Variants in GRM7 observed in about 807,000 individuals in gnomAD.
GRM7 encodes metabotropic glutamate receptor 7.
A neutral mutation model predicts 84.5 loss-of-function variants in GRM7; 35 were observed. That is an observed-to-expected ratio of 0.41 (90% CI 0.32 to 0.55). The LOEUF (loss-of-function observed/expected upper bound fraction) is 0.55, where lower values mean the gene tolerates loss of function less well. Among genes scored for constraint, GRM7 ranks in the 20% least tolerant of loss-of-function variants. GRM7 has a pLI of 0.19. For synonymous variants in GRM7, 487 were observed against 455.1 expected, an observed-to-expected ratio of 1.07 and a Z score of -0.89; for missense variants, 1,003 against 1,194.6, an observed-to-expected ratio of 0.84 and a Z score of 2.36.
chr3:7,271,562 TAAAAAAAAAA>T (rs71063298), intron 2 of GRM7, among the ~76,000 whole-genome samples: 3 of 88,810 alleles, frequency 3.4e-5, no homozygotes, highest in Admixed American at 2.8e-4. Context: ...CCGCCTCAAA[TAAAAAAAAAA>T]AAAAAAAAAA....
At chr3:7,243,949 T>C (rs1393798144) in intron 2 of GRM7, among the ~76,000 whole-genome samples, 6 of 152,024 alleles carry the variant, frequency 3.9e-5, no homozygotes, top group Non-Finnish European at 5.9e-5. Context: ...AAATATAATA[T>C]AAAAAATAAA....
At chr3:7,011,799 G>T (rs1695378367) in intron 1 of GRM7, among the ~76,000 whole-genome samples, 1 of 152,146 alleles carries the variant, frequency 6.6e-6, no homozygotes, top group Admixed American at 6.5e-5. Context: ...GGATTAAAAA[G>T]AGATTTTAAA....
chr3:7,140,554 T>C (rs1368321335), intron 1 of GRM7, among the ~76,000 whole-genome samples: 3 of 152,026 alleles, frequency 2.0e-5, no homozygotes, highest in African/African-American at 7.2e-5. Context: ...TCTTTATTTG[T>C]AAAAACAGAA....
rs1165234212 is a variant in GRM7 at position 7,713,114 on chromosome 3, A to ATTT, written c.2699-27241_2699-27239dup. 4.2e-4 allele frequency among the ~76,000 whole-genome samples: 54 copies of ATTT among 129,900 alleles called. 1 individual carries two copies. The highest frequency in any genetic ancestry group is 8.7e-4 in the African/African-American group (28 of 32,120). 85.2% of individuals were successfully genotyped at this position (129,900 alleles called of 152,430 possible). ...ATATTCACAGATAGAGAGGATTCGA[A>ATTT]TTTTGTTTTGTTTTTTTTTTTTTTT... is the stretch of plus-strand genomic sequence containing the variant. On this transcript the variant is annotated intron_variant, in intron 9 of 9. Coordinates refer to ENST00000357716, the MANE Select transcript of GRM7 (RefSeq NM_000844.4).
intron 1 of GRM7, among the ~76,000 whole-genome samples, chr3:7,081,689 A>G (rs548680927): frequency 6.6e-6 from 1 of 152,230 alleles, no homozygotes; most frequent in East Asian, 1.9e-4. Context: ...CTTGTACTAA[A>G]CAGTCTAGTT....
intron 4 of GRM7, among the ~76,000 whole-genome samples, chr3:7,395,819 C>T (rs566693822): frequency 6.6e-5 from 10 of 152,150 alleles, no homozygotes; most frequent in East Asian, 5.8e-4. Flanking sequence ...TTATCAGCAG[C>T]GTGAGAATGA....
At chr3:7,321,170 A>G (rs1700766780) in intron 4 of GRM7, among the ~76,000 whole-genome samples, 1 of 152,058 alleles carries the variant, frequency 6.6e-6, no homozygotes, top group African/African-American at 2.4e-5. Context: ...GCAGAAAGAT[A>G]TAGCTATATA....
At chr3:7,128,972 C>G (rs73122311) in intron 1 of GRM7, among the ~76,000 whole-genome samples, 4 of 152,154 alleles carry the variant, frequency 2.6e-5, no homozygotes, top group African/African-American at 4.8e-5. Context: ...GATTCTTAAA[C>G]TTGCTCATGT....
At chr3:7,276,201 ATATATATGTGTGTGTGTGTGTG>A (rs1331044289) in intron 2 of GRM7, among the ~76,000 whole-genome samples, 98 of 134,238 alleles carry the variant, frequency 7.3e-4, no homozygotes, top group Middle Eastern at 3.6e-3. Context: ...TTATATATAT[ATATATATGTGTGTGTGTGTGTG>A]TGTGTGTGTG....
At chr3:7,230,673 CTTTG>C (rs920544842) in intron 2 of GRM7, among the ~76,000 whole-genome samples, 59 of 152,222 alleles carry the variant, frequency 3.9e-4, no homozygotes, top group Middle Eastern at 3.4e-3. Context: ...TTCAAAGAGA[CTTTG>C]TTTGTATAAG....
intron 4 of GRM7, among the ~76,000 whole-genome samples, chr3:7,352,807 A>T (rs1306372300): frequency 1.3e-5 from 2 of 151,628 alleles, no homozygotes; most frequent in African/African-American, 4.8e-5. Context: ...CTCTGAGGGG[A>T]TTAACTTTGT....
intron 2 of GRM7, among the ~76,000 whole-genome samples, chr3:7,207,673 TTCTC>T (rs1696284545): frequency 6.6e-6 from 1 of 152,242 alleles, no homozygotes; most frequent in Admixed American, 6.5e-5. Flanking sequence ...AAGTGAAGGA[TTCTC>T]TCTCCTGGGC....
At chr3:7,347,965 A>G (rs1468605461) in intron 4 of GRM7, among the ~76,000 whole-genome samples, 2 of 152,140 alleles carry the variant, frequency 1.3e-5, no homozygotes, top group African/African-American at 4.8e-5. Context: ...ATTCCATTTC[A>G]TTATTATACT....
intron 9 of GRM7, among the ~76,000 whole-genome samples, chr3:7,713,427 C>T (rs570171103): frequency 6.6e-5 from 10 of 151,928 alleles, no homozygotes; most frequent in Admixed American, 3.3e-4. Context: ...TGTGAGCCAC[C>T]GTGCCTGGCC....
At chr3:6,893,707 A>G (rs1176568201) in intron 1 of GRM7, among the ~76,000 whole-genome samples, 2 of 152,194 alleles carry the variant, frequency 1.3e-5, no homozygotes. Context: ...CACACAATTT[A>G]TATTTTTAAT....
intron 4 of GRM7, among the ~76,000 whole-genome samples, chr3:7,405,067 T>C (rs1288405481): frequency 6.6e-6 from 1 of 152,158 alleles, no homozygotes; most frequent in Non-Finnish European, 1.5e-5. Context: ...CTAAAATCCA[T>C]GCAAAACACT....
At chr3:7,414,275 G>T (rs1260922264) in intron 4 of GRM7, among the ~76,000 whole-genome samples, 3 of 152,058 alleles carry the variant, frequency 2.0e-5, no homozygotes, top group Non-Finnish European at 4.4e-5. Context: ...CCACAAACAA[G>T]ATACTGTGGG....
chr3:7,129,023 G>A (rs1339034420), intron 1 of GRM7, among the ~76,000 whole-genome samples: 1 of 152,140 alleles, frequency 6.6e-6, no homozygotes, highest in African/African-American at 2.4e-5. Context: ...AGTTGAACGT[G>A]TTTAGTGCAC....
At chr3:7,402,873 G>T (rs1695511063) in intron 4 of GRM7, among the ~76,000 whole-genome samples, 1 of 150,622 alleles carries the variant, frequency 6.6e-6, no homozygotes, top group Non-Finnish European at 1.5e-5. Flanking sequence ...TCCTTCAAAA[G>T]GTTGCTTTCT....
Sources: gnomAD v4.1 joint callset for allele counts (sites outside exome capture counted in the v4.1 genomes callset) on GRCh38, gnomAD v4.1.1 for gene constraint, MANE v1.5 for transcripts, NCBI Gene and HGNC (gene_info 2026-07-23, HGNC 2026-07-21) for gene names.